Variants in CPPED1 observed in about 807,000 individuals in gnomAD.
The protein encoded by CPPED1 is serine/threonine-protein phosphatase CPPED1.
CPPED1 carries 28 observed loss-of-function variants against 28.0 expected under a neutral mutation model. The observed-to-expected ratio is 1.00, with a 90% CI of 0.74 to 1.37. The LOEUF is 1.37. Among genes scored for constraint, CPPED1 ranks in the 40% most tolerant of loss-of-function variants. The probability of loss-of-function intolerance (pLI) is 0.00; values close to 1 mark genes in which losing one functional copy is unlikely to be tolerated. For missense variants in CPPED1, 504 were observed against 416.5 expected (o/e 1.21, Z -1.83); for synonymous variants, 198 against 180.2 (o/e 1.10, Z -0.79).
intron 2 of CPPED1, among the ~76,000 whole-genome samples, chr16:12,717,809 T>C (rs1343021883): frequency 6.6e-6 from 1 of 152,122 alleles, no homozygotes; most frequent in South Asian, 2.1e-4. Flanking sequence ...GCCCAGCTAA[T>C]TTTTGTACTT....
chr16:12,743,804 G>C (rs2080268666), intron 2 of CPPED1, among the ~76,000 whole-genome samples: 1 of 152,054 alleles, frequency 6.6e-6, no homozygotes, highest in Non-Finnish European at 1.5e-5. Flanking sequence ...AGGAGTTTGA[G>C]AGCAGTCTGG....
chr16:12,739,107 T>G (rs1255584044), intron 2 of CPPED1, among the ~76,000 whole-genome samples: 1 of 152,154 alleles, frequency 6.6e-6, no homozygotes, highest in Admixed American at 6.6e-5. Context: ...CTTCCTGAGA[T>G]TGTTTCTAAT....
chr16:12,774,820 T>TTTTG (rs887802019), intron 2 of CPPED1, among the ~76,000 whole-genome samples: 1 of 151,728 alleles, frequency 6.6e-6, no homozygotes. Context: ...TTTGTGTGTT[T>TTTTG]TTTGTTTGTT....
At chr16:12,732,197 C>G (rs1477003926) in intron 2 of CPPED1, among the ~76,000 whole-genome samples, 1 of 148,336 alleles carries the variant, frequency 6.7e-6, no homozygotes, top group Non-Finnish European at 1.5e-5. Context: ...CTGCATTAAT[C>G]AACCAATTAC....
chr16:12,770,684 G>A (rs1309731825), intron 2 of CPPED1, among the ~76,000 whole-genome samples: 3 of 151,990 alleles, frequency 2.0e-5, no homozygotes, highest in African/African-American at 7.2e-5. Flanking sequence ...AGCCGGTGTG[G>A]TGGCACACAC....
chr16:12,695,453 C>T (rs1375484251), intron 3 of CPPED1, among the ~76,000 whole-genome samples: 2 of 151,986 alleles, frequency 1.3e-5, no homozygotes, highest in Admixed American at 6.6e-5. Context: ...ATCCTTTTCG[C>T]AAAGACAGAG....
Position 12,664,265 on chromosome 16 carries a change from A to T in CPPED1, c.*621T>A. The T allele has an allele frequency of 1.3e-6, 1 of 764,972 alleles. No homozygotes were observed. Among genetic ancestry groups the T allele is most frequent in the South Asian group, 5.9e-5 (1 of 17,028 alleles). The allele number at this position is 764,972 out of a possible 1,614,324, so 47.4% of individuals were successfully genotyped here. A position where few individuals can be genotyped will look rare whatever the true frequency, so the allele number is the denominator to read the frequency against. ...ACTTTTCTAGGCACCCAGGAAGGCA[A>T]ATTTAAGCTCCGAGCTGTATCAACT... On this transcript the variant is annotated 3_prime_UTR_variant, in exon 4 of 4. Transcript: ENST00000381774. The surrounding 1 kb of genome is among the most constrained non-coding windows in gnomAD (Gnocchi z 4.2).
At chr16:12,732,100 T>C (rs1403147163) in intron 2 of CPPED1, among the ~76,000 whole-genome samples, 2 of 151,568 alleles carry the variant, frequency 1.3e-5, no homozygotes, top group East Asian at 1.9e-4. Flanking sequence ...GAGGTTGCAG[T>C]GAGCCGAAAT....
At chr16:12,735,970 C>A (rs529455000) in intron 2 of CPPED1, among the ~76,000 whole-genome samples, 106 of 152,232 alleles carry the variant, frequency 7.0e-4, no homozygotes, top group African/African-American at 2.4e-3. Context: ...CATTATGGGC[C>A]GTCACTTTAG....
At chr16:12,735,046 G>A (rs553894823) in intron 2 of CPPED1, among the ~76,000 whole-genome samples, 10 of 152,274 alleles carry the variant, frequency 6.6e-5, no homozygotes, top group South Asian at 6.2e-4. Context: ...AGAAGCAGCC[G>A]GGAGTACTAT....
Position 12,670,259 on chromosome 16 carries a change from C to T in CPPED1, c.716-5144G>A, listed in dbSNP as rs866570775. ...ACAGTGAGCTATGACCGCACCATTG[C>T]ATTCCAGTTTGGGTGACAGAGAGAC... is the stretch of plus-strand genomic sequence containing the variant. On this transcript the variant is annotated intron_variant, in intron 3 of 3. Transcript: ENST00000381774. The surrounding 1 kb of genome is among the most constrained non-coding windows in gnomAD (Gnocchi z 4.2). Among the ~76,000 whole-genome samples, 45 of 152,302 alleles carry T rather than the reference C, an allele frequency of 3.0e-4. No homozygotes were observed. The highest frequency in any genetic ancestry group is 1.1e-3 in the African/African-American group (44 of 41,566).
At chr16:12,731,648 G>A (rs2080198283) in intron 2 of CPPED1, among the ~76,000 whole-genome samples, 1 of 151,554 alleles carries the variant, frequency 6.6e-6, no homozygotes, top group African/African-American at 2.4e-5. Context: ...TTCATCACGC[G>A]ATGGTGAAGG....
At chr16:12,800,377 G>A (rs558694284) in intron 1 of CPPED1, among the ~76,000 whole-genome samples, 1 of 150,962 alleles carries the variant, frequency 6.6e-6, no homozygotes, top group East Asian at 2.0e-4. Flanking sequence ...GGTGGAGGTT[G>A]CAGTGAGTAG....
rs182798223 is a variant in CPPED1 at position 12,717,575 on chromosome 16, T to C, written c.290-12526A>G. Among the ~76,000 whole-genome samples the C allele has an allele frequency of 3.7e-4, 57 of 152,186 alleles. No individual in the cohort carries two copies. The East Asian group carries it at 9.3e-3, about 25-fold the overall frequency. ...CACCGTGCCCGGCTGGGATCATTTT[T>C]TAGTGTAACTATATTCCAGGCAATA... On this transcript the variant is annotated intron_variant, in intron 2 of 3. Transcript: ENST00000381774.
chr16:12,699,067 T>C (rs1223506743), intron 3 of CPPED1, among the ~76,000 whole-genome samples: 2 of 152,342 alleles, frequency 1.3e-5, no homozygotes, highest in East Asian at 3.9e-4. Flanking sequence ...ATTAACCCTC[T>C]GCTGAAAGAG....
At chr16:12,704,192 C>T (rs1389512630) in intron 3 of CPPED1, among the ~76,000 whole-genome samples, 1 of 152,194 alleles carries the variant, frequency 6.6e-6, no homozygotes, top group African/African-American at 2.4e-5. Context: ...GCAGATGTCC[C>T]TGGCATCTTG....
intron 3 of CPPED1, among the ~76,000 whole-genome samples, chr16:12,686,208 G>C (rs1277824522): frequency 6.6e-6 from 1 of 151,394 alleles, no homozygotes; most frequent in Non-Finnish European, 1.5e-5. Context: ...TTGTTTTGAA[G>C]ATTGCTTGTT....
intron 1 of CPPED1, among the ~76,000 whole-genome samples, chr16:12,796,953 C>T (rs1273297702): frequency 1.3e-5 from 2 of 152,098 alleles, no homozygotes; most frequent in East Asian, 3.9e-4. Flanking sequence ...GTTCAAGCTA[C>T]AAAATAAGTG....
rs887802019 is a variant in CPPED1, at chr16:12,774,820, TTTTG to T, written c.289+6361_289+6364del. Among the ~76,000 whole-genome samples the T allele has an allele frequency of 4.6e-5, 7 of 151,844 alleles. No homozygotes were observed. The South Asian group carries it at 6.3e-4, about 14-fold the overall frequency. ...GGGACAGGGTGCTTTTTTGTGTGTT[TTTTG>T]TTTGTTTGTTTGTTTGAGACAGGGT... On this transcript the variant is annotated intron_variant, in intron 2 of 3. Transcript: ENST00000381774.
Sources: gnomAD v4.1 joint callset for allele counts (sites outside exome capture counted in the v4.1 genomes callset) on GRCh38, gnomAD v4.1.1 for gene constraint, Gnocchi (gnomAD v3.1) non-coding constraint, MANE v1.5 for transcripts, NCBI Gene and HGNC (gene_info 2026-07-23, HGNC 2026-07-21) for gene names.